EYA2: variants seen among roughly 807,000 people sequenced by gnomAD.
EYA2 encodes the protein protein phosphatase EYA2.
Under a neutral mutation model 69.2 loss-of-function variants are expected in EYA2, and 31 were observed. The ratio of observed to expected loss-of-function variants is 0.45; its 90% CI spans 0.34 to 0.60. EYA2 has a LOEUF of 0.60. Ranked by LOEUF, EYA2 falls within the 20% of genes least tolerant of loss-of-function variation. EYA2 has a pLI of 0.02. For missense variants in EYA2, 622 were observed against 701.2 expected (o/e 0.89, Z 1.28); for synonymous variants, 257 against 279.4 (o/e 0.92, Z 0.80).
intron 9 of EYA2, 29 bp from the exon 10 acceptor site, chr20:47,143,030 A>T: frequency 6.2e-7 from 1 of 1,602,302 alleles, no homozygotes; most frequent in South Asian, 1.1e-5. Flanking sequence ...CTCCGCGTGC[A>T]TGTGATTTTC....
Position 47,161,134 on chromosome 20 carries a change from T to G in EYA2, c.979-8005T>G, listed in dbSNP as rs1274625787. On this transcript the variant is annotated intron_variant, in intron 10 of 15. Coordinates refer to ENST00000327619, the MANE Select transcript of EYA2 (RefSeq NM_005244.5). ...CCGAGATGATGCCAGTGCCCCTGGG[T>G]GCAGGGATGAAGTGCACCAGCACAG... is the stretch of plus-strand genomic sequence containing the variant. 16 of 334,610 alleles carry G rather than the reference T, an allele frequency of 4.8e-5. No individual in the cohort carries two copies. In the Admixed American group the frequency reaches 6.6e-4, roughly 14 times the overall value. 20.7% of individuals were successfully genotyped at this position (334,610 alleles called of 1,614,324 possible).
At chr20:47,053,741 T>C (rs2030459663) in intron 5 of EYA2, among the ~76,000 whole-genome samples, 1 of 150,924 alleles carries the variant, frequency 6.6e-6, no homozygotes. Flanking sequence ...AGGTGAATAT[T>C]GGTTCTTGGG....
At position 47,143,231 on chromosome 20, in the gene EYA2, C is replaced by CTTTCTT. The variant is rs10679607; in HGVS notation, c.978+99_978+104dup. ...TATGGGAAGAAGGATGCTGCCTTTC[C>CTTTCTT]TTTCTTTTTCTTTTTCTTTTTTTCT... On this transcript the variant is annotated intron_variant, in intron 10 of 15. Transcript: ENST00000327619. The CTTTCTT allele has an allele frequency of 3.9e-3, 4,535 of 1,177,736 alleles. 124 individuals are homozygous for CTTTCTT. In the African/African-American group the frequency reaches 0.061, roughly 16 times the overall value. 73.0% of individuals were successfully genotyped at this position (1,177,736 alleles called of 1,614,324 possible). A position where few individuals can be genotyped will look rare whatever the true frequency, so the allele number is the denominator to read the frequency against.
At chr20:47,061,692 A>C (rs1364507077) in intron 5 of EYA2, among the ~76,000 whole-genome samples, 2 of 152,356 alleles carry the variant, frequency 1.3e-5, no homozygotes, top group East Asian at 3.9e-4. Flanking sequence ...ACATGTTTAC[A>C]GCAATTAGAT....
chr20:46,956,338 T>C (rs1979125532), intron 1 of EYA2, among the ~76,000 whole-genome samples: 1 of 152,206 alleles, frequency 6.6e-6, no homozygotes, highest in African/African-American at 2.4e-5. Flanking sequence ...CTGTATTGGT[T>C]AAGGTAATGT....
intron 14 of EYA2, 72 bp downstream of exon 14, chr20:47,181,008 G>C: frequency 6.4e-7 from 1 of 1,562,770 alleles, no homozygotes; most frequent in Non-Finnish European, 8.7e-7. Flanking sequence ...CTGGGAATGG[G>C]GTGTTTAAGG....
In EYA2 at chr20:47,006,425, G is replaced by A. The variant is rs140270075; in HGVS notation, c.298+1341G>A. On this transcript the variant is annotated intron_variant, in intron 4 of 15. Transcript: ENST00000327619. ...GGCTATCCAGTGGAAAGGACGTAGC[G>A]TTGGTGGCAGGGACCTGCCTGCCTG... is the stretch of plus-strand genomic sequence containing the variant. Among the ~76,000 whole-genome samples, 245 of 152,336 alleles carry A rather than the reference G, an allele frequency of 1.6e-3. 1 individual carries two copies. Among genetic ancestry groups the A allele is most frequent in the Non-Finnish European group, 1.4e-3 (95 of 68,028 alleles).
chr20:47,097,497 C>A (rs187360310), intron 9 of EYA2, among the ~76,000 whole-genome samples: 1 of 152,326 alleles, frequency 6.6e-6, no homozygotes, highest in East Asian at 1.9e-4. Context: ...GTAATTCTAG[C>A]TAGAAAACGA....
At chr20:47,161,569 C>T (rs946334139) in intron 10 of EYA2, 20 of 338,918 alleles carry the variant, frequency 5.9e-5, no homozygotes, top group Non-Finnish European at 3.4e-5. Context: ...TTGGTCTTGC[C>T]TCTGTGAGCT....
chr20:47,097,184 G>GTCTC lies in EYA2; in HGVS notation c.888+26_888+29dup. 1.3e-6 allele frequency: 2 copies of GTCTC among 1,576,246 alleles called. No homozygotes were observed. Among genetic ancestry groups the GTCTC allele is most frequent in the Non-Finnish European group, 1.7e-6 (2 of 1,152,928 alleles). On this transcript the variant is annotated intron_variant, in intron 9 of 15. Coordinates refer to ENST00000327619, the MANE Select transcript of EYA2 (RefSeq NM_005244.5). ...ATACGGGAAGGTAAGAATCCATTTT[G>GTCTC]TCTCTCTCTCTCTTTTTTTGTTTTC...
intron 5 of EYA2, among the ~76,000 whole-genome samples, chr20:47,036,205 A>C (rs542960371): frequency 2.6e-4 from 40 of 152,312 alleles, no homozygotes; most frequent in Middle Eastern, 3.4e-3. Context: ...AACCGGGATC[A>C]GGGCCGGGAC....
Position 47,109,784 on chromosome 20 carries a change from T to G in EYA2, c.888+12616T>G, listed in dbSNP as rs2032696904. ...GGAAGTTTTGGCCCCCAGGGGACAT[T>G]TGACATTCCCCATTTTTGGGGAATG... On this transcript the variant is annotated intron_variant, in intron 9 of 15. Coordinates refer to ENST00000327619, the MANE Select transcript of EYA2 (RefSeq NM_005244.5). 3.3e-5 allele frequency among the ~76,000 whole-genome samples: 5 copies of G among 152,172 alleles called. No homozygotes were observed. The South Asian group carries it at 1.0e-3, about 31-fold the overall frequency.
At chr20:47,107,381 C>T (rs1003274434) in intron 9 of EYA2, among the ~76,000 whole-genome samples, 5 of 151,216 alleles carry the variant, frequency 3.3e-5, no homozygotes, top group Non-Finnish European at 5.9e-5. Flanking sequence ...AAAAATTAGC[C>T]AGGCGTGGTG....
chr20:47,170,779 G>A (rs866053768), intron 11 of EYA2, among the ~76,000 whole-genome samples: 1 of 152,116 alleles, frequency 6.6e-6, no homozygotes, highest in Non-Finnish European at 1.5e-5. Context: ...ACAATTCAAC[G>A]GCTTTAGGCT....
At chr20:47,157,667 A>G (rs1173539516) in intron 10 of EYA2, among the ~76,000 whole-genome samples, 1 of 151,976 alleles carries the variant, frequency 6.6e-6, no homozygotes. Flanking sequence ...AATCTAGGTG[A>G]GATTGACACT....
rs1310234355 is a variant in EYA2, at chr20:47,006,398, CG to C, written c.298+1317del. Among the ~76,000 whole-genome samples the C allele has an allele frequency of 3.3e-5, 5 of 152,328 alleles. No individual in the cohort carries two copies. In the East Asian group the frequency reaches 9.6e-4, roughly 29 times the overall value. On this transcript the variant is annotated intron_variant, in intron 4 of 15. Transcript: ENST00000327619. ...CGTGACTTTACAGCCCACCCAAATC[CG>C]GGCTATCCAGTGGAAAGGACGTAGC... is the stretch of plus-strand genomic sequence containing the variant.
At chr20:47,048,679 G>A (rs1016211343) in intron 5 of EYA2, among the ~76,000 whole-genome samples, 12 of 152,246 alleles carry the variant, frequency 7.9e-5, no homozygotes, top group African/African-American at 2.7e-4. Flanking sequence ...AGAGGTTGCA[G>A]TGAGCCAAGA....
intron 3 of EYA2, among the ~76,000 whole-genome samples, chr20:47,002,763 G>A (rs550526283): frequency 6.6e-6 from 1 of 152,334 alleles, no homozygotes; most frequent in South Asian, 2.1e-4. Context: ...AGATGGATGA[G>A]ATGCAGTCTC....
In EYA2 at chr20:47,180,523, A is replaced by G. The variant is rs145800887; in HGVS notation, c.1314-292A>G. Among the ~76,000 whole-genome samples the G allele has an allele frequency of 1.4e-4, 22 of 152,278 alleles. No homozygotes were observed. In the East Asian group the frequency reaches 3.5e-3, roughly 24 times the overall value. Reference sequence around the variant, plus strand: ...CTCCCTCTTGTCCTACACTTGTTCCATATCACTCATTTACATTACCCGCAA... The same window carrying G: ...CTCCCTCTTGTCCTACACTTGTTCCGTATCACTCATTTACATTACCCGCAA... On this transcript the variant is annotated intron_variant, in intron 13 of 15. Transcript: ENST00000327619.
Sources: allele counts gnomAD v4.1 joint callset (sites outside exome capture counted in the v4.1 genomes callset), GRCh38; gene constraint gnomAD v4.1.1; transcripts MANE v1.5; gene names NCBI Gene and HGNC (gene_info 2026-07-23, HGNC 2026-07-21).